Variants in SOX13 observed in about 807,000 individuals in gnomAD.
The protein encoded by SOX13 is transcription factor SOX-13.
In SOX13, 28 loss-of-function variants were observed where a neutral mutation model predicts 71.8. The observed-to-expected ratio is 0.39, with a 90% confidence interval of 0.29 to 0.53. The LOEUF (loss-of-function observed/expected upper bound fraction) is 0.53, where lower values mean the gene tolerates loss of function less well. SOX13 is among the 20% of genes least tolerant of loss of function. The pLI is 0.70. For missense variants in SOX13, 627 were observed against 810.3 expected (o/e 0.77, Z 2.75); for synonymous variants, 309 against 317.8 (o/e 0.97, Z 0.29).
At chr1:204,121,621 G>A (rs1656807534) in intron 7 of SOX13, among the ~76,000 whole-genome samples, 1 of 152,162 alleles carries the variant, frequency 6.6e-6, no homozygotes, top group African/African-American at 2.4e-5. Flanking sequence ...CTCTCTCATT[G>A]TGCCATTGGA....
At chr1:204,095,391 G>A (rs1355429278) in intron 1 of SOX13, among the ~76,000 whole-genome samples, 2 of 152,136 alleles carry the variant, frequency 1.3e-5, no homozygotes, top group African/African-American at 2.4e-5. Context: ...ATTGTTTCTA[G>A]AGGCAGTGAG....
At chr1:204,090,322 G>T (rs1435252598) in intron 1 of SOX13, among the ~76,000 whole-genome samples, 2 of 152,010 alleles carry the variant, frequency 1.3e-5, no homozygotes, top group African/African-American at 4.8e-5. Flanking sequence ...TGAGCTGATG[G>T]CCACTTAACC....
chr1:204,099,853 A>T (rs1656326300), intron 1 of SOX13, among the ~76,000 whole-genome samples: 1 of 152,310 alleles, frequency 6.6e-6, no homozygotes, highest in Admixed American at 6.5e-5. Context: ...AATAAACGTT[A>T]GCCATAGGCT....
chr1:204,089,371 A>G (rs1656093913), intron 1 of SOX13, among the ~76,000 whole-genome samples: 1 of 152,234 alleles, frequency 6.6e-6, no homozygotes, highest in Non-Finnish European at 1.5e-5. Context: ...CCTGGGGAGC[A>G]GGATGAATGG....
intron 7 of SOX13, 42 bp from the exon 8 acceptor site, chr1:204,121,858 T>A (rs763525602): frequency 7.3e-7 from 1 of 1,364,308 alleles, no homozygotes; most frequent in East Asian, 2.3e-5. Context: ...TCTGCTGTTC[T>A]GTGCTCATCC....
At chr1:204,096,257 T>C (rs1049938077) in intron 1 of SOX13, among the ~76,000 whole-genome samples, 3 of 146,128 alleles carry the variant, frequency 2.1e-5, no homozygotes, top group Non-Finnish European at 4.5e-5. Flanking sequence ...TTTTTTTTTT[T>C]GCGACAGGGT....
intron 1 of SOX13, among the ~76,000 whole-genome samples, chr1:204,083,280 G>A (rs1554678): frequency 0.9 from 136,075 of 152,036 alleles, 61,214 homozygotes; most frequent in African/African-American, 0.97. Flanking sequence ...GGTGTAAGGA[G>A]CCTCCTGATT....
intron 7 of SOX13, among the ~76,000 whole-genome samples, chr1:204,120,699 C>A (rs887381259): frequency 9.2e-5 from 14 of 152,362 alleles, no homozygotes; most frequent in Middle Eastern, 6.8e-3. Context: ...AGGGAGCCTG[C>A]TCTAGTTACC....
intron 1 of SOX13, among the ~76,000 whole-genome samples, chr1:204,104,482 C>T (rs568132230): frequency 1.8e-4 from 27 of 152,350 alleles, no homozygotes; most frequent in East Asian, 9.6e-4. Flanking sequence ...GATGTGGCAC[C>T]GGGGCACTGT....
intron 1 of SOX13, among the ~76,000 whole-genome samples, chr1:204,089,154 C>T (rs1656084576): frequency 7.1e-6 from 1 of 141,688 alleles, no homozygotes; most frequent in Admixed American, 7.4e-5. Context: ...CAAGCACATT[C>T]TGTTCTCCAG....
intron 1 of SOX13, among the ~76,000 whole-genome samples, chr1:204,085,975 A>G (rs1656009564): frequency 6.6e-6 from 1 of 152,030 alleles, no homozygotes; most frequent in Admixed American, 6.6e-5. Context: ...TCTCAAAAAA[A>G]AAAAAAAAGA....
chr1:204,086,217 T>C (rs2102226786), intron 1 of SOX13, among the ~76,000 whole-genome samples: 1 of 152,344 alleles, frequency 6.6e-6, no homozygotes. Flanking sequence ...TGGCCATCAC[T>C]GTGTCTATCT....
intron 1 of SOX13, among the ~76,000 whole-genome samples, chr1:204,079,639 G>T (rs1342851615): frequency 6.6e-6 from 1 of 150,918 alleles, no homozygotes; most frequent in African/African-American, 2.4e-5. Context: ...GAACCACCGA[G>T]CCTGGCCTCA....
chr1:204,090,424 T>C (rs1262020031), intron 1 of SOX13, among the ~76,000 whole-genome samples: 1 of 151,078 alleles, frequency 6.6e-6, no homozygotes, highest in African/African-American at 2.4e-5. Flanking sequence ...TTTTTTTTTT[T>C]TTGAGATGTA....
chr1:204,122,281 C>A lies in SOX13; in HGVS notation c.906C>A (p.Pro302=). 6.3e-7 allele frequency: 1 copy of A among 1,588,770 alleles called. No individual in the cohort carries two copies. ...ACCTCACAGCCAAGCCCAAGGCCCC[C>A]GAGCTGCCCAACACCTCCAGCTCCC... The part of the protein sequence containing the change: ...PLNLTAKPKA[P]ELPNTSSSPS... The change falls in exon 9 of 14, where the codon CCC becomes CCA. Residue 302 remains proline (P), a synonymous_variant. Transcript: ENST00000367204.
At chr1:204,109,692 C>T (rs957982870) in intron 1 of SOX13, among the ~76,000 whole-genome samples, 2 of 152,158 alleles carry the variant, frequency 1.3e-5, no homozygotes, top group African/African-American at 2.4e-5. Flanking sequence ...GTATCTGAGA[C>T]GGTTGGTTCC....
intron 1 of SOX13, among the ~76,000 whole-genome samples, chr1:204,093,116 T>TGG (rs1183681559): frequency 6.6e-6 from 1 of 152,066 alleles, no homozygotes; most frequent in East Asian, 1.9e-4. Context: ...CATAGGGACG[T>TGG]GGGGACGTGG....
At chr1:204,120,688 C>G (rs1040540418) in intron 7 of SOX13, among the ~76,000 whole-genome samples, 1 of 152,216 alleles carries the variant, frequency 6.6e-6, no homozygotes, top group Non-Finnish European at 1.5e-5. Flanking sequence ...TCGGCTCCCA[C>G]AGGGAGCCTG....
chr1:204,112,828 G>C, intron 1 of SOX13, 87 bp from the exon 2 acceptor site: 3 of 1,113,162 alleles, frequency 2.7e-6, no homozygotes, highest in Middle Eastern at 2.3e-4. Flanking sequence ...CTTGGGTGGG[G>C]TCAGGGGAGC....
Sources: gnomAD v4.1 joint callset for allele counts (sites outside exome capture counted in the v4.1 genomes callset) on GRCh38, gnomAD v4.1.1 for gene constraint, MANE v1.5 for transcripts, NCBI Gene and HGNC (gene_info 2026-07-23, HGNC 2026-07-21) for gene names.